The following EXOC6B variants were observed in gnomAD, a reference collection of about 807,000 sequenced individuals.
The protein encoded by EXOC6B is SEC15 homolog B.
Under a neutral mutation model 113.5 loss-of-function variants are expected in EXOC6B, and 54 were observed. That is an observed-to-expected ratio of 0.48 (90% confidence interval 0.38 to 0.60). The LOEUF is 0.60. Ranked by LOEUF, EXOC6B falls within the 20% of genes least tolerant of loss-of-function variation. The pLI, the probability that EXOC6B is intolerant of heterozygous loss-of-function variation, is 0.00. For synonymous variants in EXOC6B, 357 were observed against 339.0 expected (o/e 1.05, Z -0.58); for missense variants, 797 against 977.5 (o/e 0.82, Z 2.46).
rs540916862 is a variant in EXOC6B, at chr2:72,409,675, C to T, written c.1981-29805G>A. Among the ~76,000 whole-genome samples the T allele has an allele frequency of 7.3e-5, 10 of 136,374 alleles. No individual in the cohort carries two copies. In the South Asian group the frequency reaches 1.9e-3, roughly 26 times the overall value. The allele number at this position is 136,374 out of a possible 152,430, so 89.5% of individuals were successfully genotyped here. A position where few individuals can be genotyped will look rare whatever the true frequency, so the allele number is the denominator to read the frequency against. The stretch of plus-strand genomic sequence containing the variant: ...AGGTGGGAATTGAACAATGAGAACA[C>T]GTGGACACAGGAAGGGGAACATCAC... On this transcript the variant is annotated intron_variant, in intron 18 of 21. Transcript: ENST00000272427.
At chr2:72,332,784 T>C (rs1196827182) in intron 20 of EXOC6B, among the ~76,000 whole-genome samples, 1 of 152,076 alleles carries the variant, frequency 6.6e-6, no homozygotes, top group Non-Finnish European at 1.5e-5. Flanking sequence ...GAAAACATAG[T>C]CCCAGGTTTT....
At chr2:72,531,135 T>C (rs1558767341) in intron 8 of EXOC6B, among the ~76,000 whole-genome samples, 1 of 152,186 alleles carries the variant, frequency 6.6e-6, no homozygotes, top group Non-Finnish European at 1.5e-5. Context: ...TCTTTGCTTT[T>C]AGTTTGCTTC....
intron 15 of EXOC6B, among the ~76,000 whole-genome samples, chr2:72,493,327 C>G (rs1008865587): frequency 2.8e-4 from 41 of 144,010 alleles, no homozygotes; most frequent in South Asian, 1.5e-3. Flanking sequence ...TCTCCCCCCC[C>G]CCCCCCCGCA....
rs561965362 is a variant in EXOC6B at position 72,250,138 on chromosome 2, C to T, written c.2197-65951G>A. 2.0e-5 allele frequency among the ~76,000 whole-genome samples: 3 copies of T among 152,226 alleles called. No individual in the cohort carries two copies. In the South Asian group the frequency reaches 6.2e-4, roughly 32 times the overall value. ...AGAATGTAACACAAAGCTTAAATGA[C>T]ATAGTAGAGGAATCTATGATCAAGT... On this transcript the variant is annotated intron_variant, in intron 20 of 21. Transcript: ENST00000272427.
chr2:72,518,105 T>C (rs1701307406), intron 8 of EXOC6B, among the ~76,000 whole-genome samples: 1 of 152,160 alleles, frequency 6.6e-6, no homozygotes, highest in Non-Finnish European at 1.5e-5. Flanking sequence ...GTTGAGTAAT[T>C]GGTGCAGTGC....
intron 20 of EXOC6B, among the ~76,000 whole-genome samples, chr2:72,305,675 G>A (rs1459778515): frequency 1.3e-5 from 2 of 151,962 alleles, no homozygotes; most frequent in Admixed American, 1.3e-4. Context: ...GATAATAATA[G>A]CTACCTCATG....
At chr2:72,299,491 T>G (rs970444080) in intron 20 of EXOC6B, among the ~76,000 whole-genome samples, 4 of 152,116 alleles carry the variant, frequency 2.6e-5, no homozygotes, top group Admixed American at 6.5e-5. Flanking sequence ...CGGAGGAGTT[T>G]GTTATTACCC....
At chr2:72,645,289 G>C (rs999030759) in intron 6 of EXOC6B, among the ~76,000 whole-genome samples, 1 of 152,110 alleles carries the variant, frequency 6.6e-6, no homozygotes, top group Non-Finnish European at 1.5e-5. Context: ...GATTCATAAA[G>C]CAAGTCCTTA....
At position 72,410,296 on chromosome 2, in the gene EXOC6B, A is replaced by G. The variant is rs76312334; in HGVS notation, c.1981-30426T>C. Among the ~76,000 whole-genome samples, 744 of 152,336 alleles carry G rather than the reference A, an allele frequency of 4.9e-3. 10 individuals are homozygous for G. Among genetic ancestry groups the G allele is most frequent in the African/African-American group, 0.017 (690 of 41,576 alleles). On this transcript the variant is annotated intron_variant, in intron 18 of 21. Transcript: ENST00000272427. Reference sequence around the variant, plus strand: ...AATCTTATTTCCAATGATGGGTACCATGGTTCTTGATGGAACGTTTCTGAA... The same window carrying G: ...AATCTTATTTCCAATGATGGGTACCGTGGTTCTTGATGGAACGTTTCTGAA...
At chr2:72,573,525 ATCTCTT>A (rs1404719935) in intron 7 of EXOC6B, among the ~76,000 whole-genome samples, 16 of 152,262 alleles carry the variant, frequency 1.1e-4, no homozygotes, top group African/African-American at 3.9e-4. Flanking sequence ...AGTCCCCTCT[ATCTCTT>A]TCTATCTCCA....
At chr2:72,225,945 C>T (rs1160158776) in intron 20 of EXOC6B, among the ~76,000 whole-genome samples, 1 of 152,138 alleles carries the variant, frequency 6.6e-6, no homozygotes, top group Non-Finnish European at 1.5e-5. Context: ...ATCAAATTCC[C>T]TCCTCAGAAG....
chr2:72,561,295 G>T (rs1307101916), intron 7 of EXOC6B, among the ~76,000 whole-genome samples: 1 of 151,824 alleles, frequency 6.6e-6, no homozygotes, highest in African/African-American at 2.4e-5. Flanking sequence ...AACTACACAT[G>T]CATATGAAAA....
chr2:72,665,120 C>T (rs1675296902), intron 6 of EXOC6B, among the ~76,000 whole-genome samples: 1 of 152,156 alleles, frequency 6.6e-6, no homozygotes, highest in African/African-American at 2.4e-5. Flanking sequence ...CCCTGTTTGC[C>T]AGCCGCAGCC....
intron 1 of EXOC6B, among the ~76,000 whole-genome samples, chr2:72,792,053 C>T (rs545486865): frequency 6.6e-6 from 1 of 152,346 alleles, no homozygotes; most frequent in East Asian, 1.9e-4. Flanking sequence ...AATGATGGAG[C>T]ACCTCCCTGG....
At chr2:72,589,235 A>G (rs1052602414) in intron 6 of EXOC6B, among the ~76,000 whole-genome samples, 1 of 152,050 alleles carries the variant, frequency 6.6e-6, no homozygotes, top group Non-Finnish European at 1.5e-5. Context: ...GTGCAAAAAA[A>G]GTAGAATATA....
chr2:72,538,305 A>ATT (rs1702417396), intron 8 of EXOC6B, among the ~76,000 whole-genome samples: 3 of 152,162 alleles, frequency 2.0e-5, no homozygotes, highest in Admixed American at 2.0e-4. Context: ...CTAAGGGTTC[A>ATT]TTATATATTC....
chr2:72,748,351 G>A (rs1428724451), intron 1 of EXOC6B, among the ~76,000 whole-genome samples: 1 of 152,006 alleles, frequency 6.6e-6, no homozygotes, highest in Admixed American at 6.6e-5. Flanking sequence ...TAAAAATAAA[G>A]TGGAAAAACA....
chr2:72,599,661 A>G (rs200717502), intron 6 of EXOC6B, among the ~76,000 whole-genome samples: 6 of 148,730 alleles, frequency 4.0e-5, no homozygotes, highest in East Asian at 2.0e-4. Flanking sequence ...TCACAAGGGG[A>G]AAAAAAAAAG....
At chr2:72,603,834 C>T (rs987403644) in intron 6 of EXOC6B, among the ~76,000 whole-genome samples, 4 of 152,078 alleles carry the variant, frequency 2.6e-5, no homozygotes, top group African/African-American at 9.7e-5. Context: ...AAACACTAGG[C>T]CCTCTGCAAA....
Sources: gnomAD v4.1 joint callset for allele counts (sites outside exome capture counted in the v4.1 genomes callset) on GRCh38, gnomAD v4.1.1 for gene constraint, MANE v1.5 for transcripts, NCBI Gene and HGNC (gene_info 2026-07-23, HGNC 2026-07-21) for gene names.